Variants in DUSP16 observed in about 807,000 individuals in gnomAD.
The protein encoded by DUSP16 is dual specificity phosphatase 16, also known as dual specificity protein phosphatase 16.
A neutral mutation model predicts 58.3 loss-of-function variants in DUSP16; 21 were observed. The observed-to-expected ratio is 0.36, with a 90% CI of 0.26 to 0.52. DUSP16 has a LOEUF of 0.52. Among genes scored for constraint, DUSP16 ranks in the 20% least tolerant of loss-of-function variants. The pLI is 0.94. For missense variants in DUSP16, 726 were observed against 819.0 expected (o/e 0.89, Z 1.39); for synonymous variants, 320 against 323.8 (o/e 0.99, Z 0.12).
chr12:12,542,388 GAAAAAAA>G (rs56822339), intron 1 of DUSP16, among the ~76,000 whole-genome samples: 64 of 109,684 alleles, frequency 5.8e-4, no homozygotes, highest in African/African-American at 9.8e-4. Context: ...AAAGAAAAGA[GAAAAAAA>G]AAAAAAAAAA....
chr12:12,519,907 G>C lies in DUSP16; in HGVS notation c.322C>G (p.Leu108Val), dbSNP rs761312438. 6 of 1,613,976 alleles carry C rather than the reference G, an allele frequency of 3.7e-6. No individual in the cohort carries two copies. The highest frequency in any genetic ancestry group is 4.2e-6 in the Non-Finnish European group (5 of 1,179,984). Residue 108 changes from leucine (L) to valine (V), a missense_variant, in exon 3 of 7, where the codon CTG becomes GTG. Physicochemically the swap from Leu to Val is conservative, Grantham distance 32. Transcript: ENST00000298573. ...LSSDCFLTVL[L>V]GKLEKSFNSV... ...TTGAAGCTCTTCTCCAGTTTACCCA[G>C]AAGTACAGTGAGAAAACAGTCTGAA...
intron 1 of DUSP16, among the ~76,000 whole-genome samples, chr12:12,543,344 T>C (rs373000269): frequency 1.3e-5 from 2 of 152,072 alleles, no homozygotes; most frequent in South Asian, 4.2e-4. Context: ...TTCAGAAAAA[T>C]GTATCATATA....
chr12:12,512,428 G>T (rs889886241), intron 3 of DUSP16, among the ~76,000 whole-genome samples: 1 of 152,098 alleles, frequency 6.6e-6, no homozygotes, highest in African/African-American at 2.4e-5. Context: ...TAGGTCTCTA[G>T]AACTTACTCA....
chr12:12,513,940 A>G (rs1025984246), intron 3 of DUSP16, among the ~76,000 whole-genome samples: 1 of 152,198 alleles, frequency 6.6e-6, no homozygotes, highest in Admixed American at 6.5e-5. Context: ...CCAAGAAACA[A>G]GTTTATTTTT....
At chr12:12,514,562 C>G (rs927515053) in intron 3 of DUSP16, among the ~76,000 whole-genome samples, 1 of 152,196 alleles carries the variant, frequency 6.6e-6, no homozygotes, top group African/African-American at 2.4e-5. Flanking sequence ...CATCTCTCCC[C>G]TTCCCCTCAA....
At chr12:12,506,460 A>T (rs918243759) in intron 3 of DUSP16, among the ~76,000 whole-genome samples, 1 of 152,224 alleles carries the variant, frequency 6.6e-6, no homozygotes, top group Non-Finnish European at 1.5e-5. Flanking sequence ...CGAAAAACTG[A>T]TAAGCTTCTT....
At chr12:12,532,585 G>T (rs947223582) in intron 1 of DUSP16, among the ~76,000 whole-genome samples, 1 of 152,146 alleles carries the variant, frequency 6.6e-6, no homozygotes, top group Non-Finnish European at 1.5e-5. Flanking sequence ...TCAGACCCAG[G>T]AACTATTACC....
At chr12:12,510,831 A>C (rs1944066815) in intron 3 of DUSP16, among the ~76,000 whole-genome samples, 1 of 152,204 alleles carries the variant, frequency 6.6e-6, no homozygotes, top group Admixed American at 6.5e-5. Flanking sequence ...TAAATAGCAG[A>C]GAGAAGAGCC....
At chr12:12,547,457 C>CAA (rs202208136) in intron 1 of DUSP16, among the ~76,000 whole-genome samples, 141 of 80,400 alleles carry the variant, frequency 1.8e-3, no homozygotes, top group African/African-American at 3.9e-3. Flanking sequence ...CAAAAAAAAG[C>CAA]AAAAAAAAAA....
rs1398156815 is a variant in DUSP16, at chr12:12,535,063, A to G, written c.-365-13600T>C. ...TGAATTATTTTATAATCTAGTGCTC[A>G]GATTCTAAAAGCAGAAATAACCTCT... On this transcript the variant is annotated intron_variant, in intron 1 of 6. Transcript: ENST00000298573. 2.6e-5 allele frequency among the ~76,000 whole-genome samples: 4 copies of G among 152,234 alleles called. No homozygotes were observed. The East Asian group carries it at 7.7e-4, about 29-fold the overall frequency.
chr12:12,557,161 A>T (rs80315000), intron 1 of DUSP16, among the ~76,000 whole-genome samples: 1,534 of 152,212 alleles, frequency 0.01, 15 homozygotes, highest in South Asian at 0.025. Flanking sequence ...TAAAAAAAAA[A>T]TTTAAAGTTT....
intron 3 of DUSP16, among the ~76,000 whole-genome samples, chr12:12,514,429 T>C (rs954812101): frequency 6.6e-6 from 1 of 152,250 alleles, no homozygotes; most frequent in Non-Finnish European, 1.5e-5. Flanking sequence ...CACTAGGACC[T>C]AGTTTTTCTT....
intron 4 of DUSP16, among the ~76,000 whole-genome samples, chr12:12,487,771 T>C (rs1042346244): frequency 6.7e-6 from 1 of 149,732 alleles, no homozygotes; most frequent in African/African-American, 2.4e-5. Flanking sequence ...ACTAAACATA[T>C]TCTCTTTTTC....
intron 1 of DUSP16, among the ~76,000 whole-genome samples, chr12:12,522,536 C>G (rs1203023468): frequency 2.0e-5 from 3 of 152,054 alleles, no homozygotes; most frequent in Non-Finnish European, 4.4e-5. Flanking sequence ...AACTACATGT[C>G]TACTTCTGGC....
chr12:12,513,555 T>C (rs1944107159), intron 3 of DUSP16, among the ~76,000 whole-genome samples: 1 of 152,164 alleles, frequency 6.6e-6, no homozygotes, highest in African/African-American at 2.4e-5. Flanking sequence ...CTCTGTTATT[T>C]TCCTCATTTG....
intron 3 of DUSP16, among the ~76,000 whole-genome samples, chr12:12,506,476 A>C (rs1943999146): frequency 6.6e-6 from 1 of 152,126 alleles, no homozygotes; most frequent in South Asian, 2.1e-4. Flanking sequence ...TTCTTGAAAA[A>C]ATTTGCGCCT....
At position 12,498,575 on chromosome 12, in the gene DUSP16, C is replaced by G. The variant is rs1382741813; in HGVS notation, c.531+1944G>C. ...AACTACAGGCTAGGGCCACAAAGCC[C>G]GGCTAATTTTTGTAATTTTTGTAGA... On this transcript the variant is annotated intron_variant, in intron 4 of 6. Coordinates refer to ENST00000298573, the MANE Select transcript of DUSP16 (RefSeq NM_030640.3). Among the ~76,000 whole-genome samples the G allele has an allele frequency of 2.0e-5, 3 of 151,980 alleles. No individual in the cohort carries two copies. In the South Asian group the frequency reaches 6.2e-4, roughly 32 times the overall value.
chr12:12,557,181 T>C (rs925231666), intron 1 of DUSP16, among the ~76,000 whole-genome samples: 8 of 151,704 alleles, frequency 5.3e-5, no homozygotes, highest in Admixed American at 4.6e-4. Context: ...TCTGGCCGGG[T>C]GTGGTGGCTC....
chr12:12,547,157 A>G (rs1008584363), intron 1 of DUSP16, among the ~76,000 whole-genome samples: 9 of 152,350 alleles, frequency 5.9e-5, no homozygotes, highest in African/African-American at 2.2e-4. Flanking sequence ...AGGCCAGTGC[A>G]GTGGCTCATG....
Sources: allele counts gnomAD v4.1 joint callset (sites outside exome capture counted in the v4.1 genomes callset), GRCh38; gene constraint gnomAD v4.1.1; transcripts MANE v1.5; gene names NCBI Gene and HGNC (gene_info 2026-07-23, HGNC 2026-07-21).